Variants in SDCCAG8 observed in about 807,000 individuals in gnomAD.
SDCCAG8 encodes SHH signaling and ciliogenesis regulator SDCCAG8.
Under a neutral mutation model 101.8 loss-of-function variants are expected in SDCCAG8, and 74 were observed. That is an observed-to-expected ratio of 0.73 (90% CI 0.60 to 0.88). The LOEUF is 0.88. Ranked by LOEUF, SDCCAG8 falls within the 40% of genes least tolerant of loss-of-function variation. The pLI, the probability that SDCCAG8 is intolerant of heterozygous loss-of-function variation, is 0.00. For missense variants in SDCCAG8, 787 were observed against 822.6 expected, an observed-to-expected ratio of 0.96 and a Z score of 0.53; for synonymous variants, 281 against 292.9, an observed-to-expected ratio of 0.96 and a Z score of 0.41.
rs568288348 is a variant in SDCCAG8 at position 243,313,600 on chromosome 1, G to T, written c.930-3155G>T. Among the ~76,000 whole-genome samples, 39 of 152,280 alleles carry T rather than the reference G, an allele frequency of 2.6e-4. No homozygotes were observed. The South Asian group carries it at 6.9e-3, about 27-fold the overall frequency. On this transcript the variant is annotated intron_variant, in intron 8 of 17. Transcript: ENST00000366541. The stretch of plus-strand genomic sequence containing the variant: ...GTTAACACAGTGTTGCTGGCTTTGC[G>T]TCAAGAAGCTCCTTGATTACATTCA...
chr1:243,459,455 G>A (rs1447817691), intron 16 of SDCCAG8, among the ~76,000 whole-genome samples: 3 of 151,382 alleles, frequency 2.0e-5, no homozygotes, highest in African/African-American at 7.3e-5. Flanking sequence ...GGTTCAGCAC[G>A]TTCTGCCAGA....
intron 16 of SDCCAG8, among the ~76,000 whole-genome samples, chr1:243,439,499 C>G (rs893167766): frequency 5.9e-5 from 9 of 152,032 alleles, no homozygotes; most frequent in African/African-American, 1.7e-4. Flanking sequence ...ATGGTGGGTG[C>G]CTGTAATCCC....
chr1:243,394,570 CAAAT>C (rs144059685), intron 13 of SDCCAG8, among the ~76,000 whole-genome samples: 1,769 of 152,222 alleles, frequency 0.012, 28 homozygotes, highest in African/African-American at 0.04. Flanking sequence ...GGCAGAAAAA[CAAAT>C]AAACCAGAGA....
intron 13 of SDCCAG8, among the ~76,000 whole-genome samples, chr1:243,403,602 G>A (rs4658566): frequency 0.056 from 8,460 of 152,102 alleles, 322 homozygotes; most frequent in South Asian, 0.13. Context: ...TTCCCAACTC[G>A]GGGTCACCTG....
At chr1:243,491,898 G>A (rs1469173727) in intron 17 of SDCCAG8, among the ~76,000 whole-genome samples, 1 of 152,194 alleles carries the variant, frequency 6.6e-6, no homozygotes, top group African/African-American at 2.4e-5. Flanking sequence ...GATGAGTTAA[G>A]CTTAACTTAA....
intron 13 of SDCCAG8, among the ~76,000 whole-genome samples, chr1:243,413,020 A>G (rs1453699293): frequency 6.6e-6 from 1 of 152,190 alleles, no homozygotes; most frequent in African/African-American, 2.4e-5. Flanking sequence ...AGACTATGTC[A>G]TGTTTCTAGG....
intron 6 of SDCCAG8, among the ~76,000 whole-genome samples, chr1:243,295,535 C>G (rs913294339): frequency 6.6e-6 from 1 of 152,182 alleles, no homozygotes; most frequent in Admixed American, 6.5e-5. Flanking sequence ...TGTACTCGGC[C>G]TCACTCTTCT....
intron 6 of SDCCAG8, among the ~76,000 whole-genome samples, chr1:243,300,248 C>A (rs555423724): frequency 6.6e-6 from 1 of 152,092 alleles, no homozygotes; most frequent in African/African-American, 2.4e-5. Flanking sequence ...CTTGATTGCT[C>A]ACTTCAGAAA....
intron 6 of SDCCAG8, among the ~76,000 whole-genome samples, chr1:243,295,941 A>G (rs1573045538): frequency 6.6e-6 from 1 of 152,000 alleles, no homozygotes; most frequent in Non-Finnish European, 1.5e-5. Context: ...CAAGGGTTTC[A>G]TTCTGGGACT....
At chr1:243,352,104 A>G (rs1338070913) in intron 12 of SDCCAG8, among the ~76,000 whole-genome samples, 1 of 152,232 alleles carries the variant, frequency 6.6e-6, no homozygotes, top group Non-Finnish European at 1.5e-5. Flanking sequence ...TTGATTTTCC[A>G]ACAAAGATGA....
chr1:243,335,402 T>C (rs2074928931), intron 10 of SDCCAG8, among the ~76,000 whole-genome samples: 1 of 152,026 alleles, frequency 6.6e-6, no homozygotes, highest in Non-Finnish European at 1.5e-5. Context: ...GCCTAGGAAA[T>C]TTGTATTTTT....
intron 9 of SDCCAG8, among the ~76,000 whole-genome samples, chr1:243,329,176 C>T (rs2074414283): frequency 1.3e-5 from 2 of 152,050 alleles, no homozygotes; most frequent in Admixed American, 1.3e-4. Flanking sequence ...TTAAAATTTC[C>T]TTTTCCAGGC....
chr1:243,316,624 C>T, intron 8 of SDCCAG8, 131 bp from the exon 9 acceptor site: 1 of 1,091,890 alleles, frequency 9.2e-7, no homozygotes, highest in Admixed American at 2.0e-5. Context: ...CTGGGGTGTG[C>T]TTTATTTCAT....
chr1:243,291,944 G>A (rs1558243785), intron 5 of SDCCAG8, among the ~76,000 whole-genome samples: 3 of 152,136 alleles, frequency 2.0e-5, no homozygotes, highest in Non-Finnish European at 2.9e-5. Flanking sequence ...GTGATAATTT[G>A]CTATAATGGC....
At chr1:243,346,419 A>G (rs971092149) in intron 12 of SDCCAG8, among the ~76,000 whole-genome samples, 5 of 152,258 alleles carry the variant, frequency 3.3e-5, no homozygotes, top group African/African-American at 1.2e-4. Flanking sequence ...GTTTGCAAAC[A>G]AGGTGTTCTT....
intron 17 of SDCCAG8, among the ~76,000 whole-genome samples, chr1:243,497,203 C>T (rs1376032862): frequency 6.6e-6 from 1 of 152,256 alleles, no homozygotes; most frequent in Non-Finnish European, 1.5e-5. Flanking sequence ...GCTTCTGTCT[C>T]GGTCAGAGAA....
At chr1:243,404,412 G>A (rs1472895904) in intron 13 of SDCCAG8, among the ~76,000 whole-genome samples, 5 of 152,206 alleles carry the variant, frequency 3.3e-5, no homozygotes, top group Admixed American at 6.5e-5. Flanking sequence ...AATTAAGGAT[G>A]TAGATAAGAA....
chr1:243,454,943 A>G (rs1162528620), intron 16 of SDCCAG8, among the ~76,000 whole-genome samples: 4 of 152,100 alleles, frequency 2.6e-5, no homozygotes, highest in Admixed American at 1.3e-4. Context: ...GTGGAAATAA[A>G]CTGCTTGACA....
At chr1:243,461,161 G>C (rs1490388449) in intron 16 of SDCCAG8, among the ~76,000 whole-genome samples, 5 of 152,144 alleles carry the variant, frequency 3.3e-5, no homozygotes, top group African/African-American at 1.2e-4. Context: ...TAAAGCTGTA[G>C]GCAGTATAGC....
Sources: allele counts gnomAD v4.1 joint callset (sites outside exome capture counted in the v4.1 genomes callset), GRCh38; gene constraint gnomAD v4.1.1; transcripts MANE v1.5; gene names NCBI Gene and HGNC (gene_info 2026-07-23, HGNC 2026-07-21).